Variants in DNAI3 observed in about 807,000 individuals in gnomAD.
The protein encoded by DNAI3 is WD repeat domain 63.
Under a neutral mutation model 115.5 loss-of-function variants are expected in DNAI3, and 83 were observed. That is an observed-to-expected ratio of 0.72 (90% CI 0.60 to 0.86). The LOEUF is 0.86. DNAI3 is among the 40% of genes least tolerant of loss of function. The pLI is 0.00. For missense variants in DNAI3, 1,004 were observed against 1,075.8 expected (o/e 0.93, Z 0.93); for synonymous variants, 320 against 347.0 (o/e 0.92, Z 0.86).
intron 21 of DNAI3, among the ~76,000 whole-genome samples, chr1:85,129,079 T>C (rs1262188599): frequency 6.6e-6 from 1 of 152,182 alleles, no homozygotes; most frequent in Admixed American, 6.5e-5. Flanking sequence ...ATTTTTCCCA[T>C]TGTAACCGAA....
rs1159340272 is a variant in DNAI3, at chr1:85,090,185, C to T, written c.810C>T (p.Leu270=). ...REFSEEEKET[L]KQSKPLVDFL... ...TCTCAGAAGAGGAAAAAGAGACACT[C>T]AAACAATCAAAGCCTTTGGTTGATT... The change falls in exon 8 of 23, where the codon CTC becomes CTT. Residue 270 remains leucine, a synonymous_variant. Transcript: ENST00000294664. 1.9e-6 allele frequency: 3 copies of T among 1,589,926 alleles called. No individual in the cohort carries two copies. The highest frequency in any genetic ancestry group is 1.2e-5 in the South Asian group (1 of 83,740).
intron 4 of DNAI3, 79 bp downstream of exon 4, chr1:85,081,494 G>A: frequency 7.2e-7 from 1 of 1,389,620 alleles, no homozygotes; most frequent in South Asian, 1.7e-5. Context: ...TGGAGAGGTT[G>A]TTGGTTCAAA....
chr1:85,114,015 C>CTTTTTTTTTTTTTTTTTTT (rs58178754), intron 16 of DNAI3, among the ~76,000 whole-genome samples: 1 of 117,670 alleles, frequency 8.5e-6, no homozygotes, highest in Non-Finnish European at 1.8e-5. Context: ...CAATTTGTAT[C>CTTTTTTTTTTTTTTTTTTT]TTTTTTTTTT....
In DNAI3 at chr1:85,126,520, C is replaced by T; in HGVS notation, c.2122C>T (p.Leu708Phe). Residue 708 changes from leucine (L) to phenylalanine (F), a missense_variant, in exon 20 of 23, where the codon CTC becomes TTC. Transcript: ENST00000294664. ...AAAAATTTGTTTAAAGACTGGACCGCTCCTTCAGTCATGCTGTGCACCAAA... is the reference window on the plus strand; with the variant it reads ...AAAAATTTGTTTAAAGACTGGACCGTTCCTTCAGTCATGCTGTGCACCAAA... Reference protein sequence around the residue: ...IWKEGVMTGPLLQSCCAPKRY... With the variant: ...IWKEGVMTGPFLQSCCAPKRY... 6 of 1,613,642 alleles carry T rather than the reference C, an allele frequency of 3.7e-6. No homozygotes were observed. Among genetic ancestry groups the T allele is most frequent in the Non-Finnish European group, 5.1e-6 (6 of 1,179,760 alleles).
At chr1:85,101,112 T>TA (rs1162139158) in intron 13 of DNAI3, among the ~76,000 whole-genome samples, 1 of 138,502 alleles carries the variant, frequency 7.2e-6, no homozygotes, top group Non-Finnish European at 1.5e-5. Context: ...CCCTAAAACT[T>TA]AAAGTATAAT....
chr1:85,087,541 G>C (rs556190029), intron 7 of DNAI3, among the ~76,000 whole-genome samples: 1 of 149,906 alleles, frequency 6.7e-6, no homozygotes, highest in South Asian at 2.1e-4. Context: ...ATAATCACTT[G>C]ATTTGTGTTT....
intron 8 of DNAI3, among the ~76,000 whole-genome samples, chr1:85,092,794 TACACACACACACACACACAC>T (rs58308443): frequency 6.9e-6 from 1 of 145,280 alleles, no homozygotes; most frequent in Non-Finnish European, 1.5e-5. Flanking sequence ...CAACTAAAAC[TACACACACACACACACACAC>T]ACACACACAC....
intron 18 of DNAI3, among the ~76,000 whole-genome samples, chr1:85,122,474 A>G (rs1320570587): frequency 1.3e-5 from 2 of 152,354 alleles, no homozygotes; most frequent in East Asian, 1.9e-4. Context: ...CTTGGGGTTC[A>G]CTACAATTAT....
At chr1:85,067,447 C>G (rs1489827074) in intron 1 of DNAI3, among the ~76,000 whole-genome samples, 1 of 152,156 alleles carries the variant, frequency 6.6e-6, no homozygotes, top group Non-Finnish European at 1.5e-5. Flanking sequence ...AAATTATCTA[C>G]AGAGTATTTA....
At chr1:85,118,028 T>G (rs1655884203) in intron 17 of DNAI3, among the ~76,000 whole-genome samples, 169 bp downstream of exon 17, 1 of 152,254 alleles carries the variant, frequency 6.6e-6, no homozygotes, top group South Asian at 2.1e-4. Context: ...CCTCATAGTT[T>G]CACCTTTAAA....
chr1:85,115,965 C>T (rs1210659692), intron 16 of DNAI3, among the ~76,000 whole-genome samples: 1 of 152,186 alleles, frequency 6.6e-6, no homozygotes, highest in African/African-American at 2.4e-5. Context: ...ACATTAAATG[C>T]TATTAACTCA....
At chr1:85,093,847 A>G (rs777885607) in intron 9 of DNAI3, 199 bp downstream of exon 9, 2 of 699,318 alleles carry the variant, frequency 2.9e-6, no homozygotes, top group Non-Finnish European at 2.6e-6. Context: ...CACACCTGTC[A>G]TTATCTCTGT....
At chr1:85,106,197 C>T (rs1655486698) in intron 14 of DNAI3, among the ~76,000 whole-genome samples, 1 of 152,126 alleles carries the variant, frequency 6.6e-6, no homozygotes, top group South Asian at 2.1e-4. Flanking sequence ...CACTATATCA[C>T]TTTTAAGATT....
At chr1:85,118,109 T>C (rs541841650) in intron 17 of DNAI3, among the ~76,000 whole-genome samples, 69 of 152,356 alleles carry the variant, frequency 4.5e-4, no homozygotes, top group Admixed American at 6.5e-4. Context: ...TTGTTCAATC[T>C]ACAAATATTC....
rs531437208 is a variant in DNAI3, at chr1:85,110,227, G to A, written c.1786+92G>A. 4.5e-5 allele frequency: 48 copies of A among 1,068,216 alleles called. 1 individual carries two copies. The Admixed American group carries it at 6.8e-4, about 15-fold the overall frequency. 66.2% of individuals were successfully genotyped at this position (1,068,216 alleles called of 1,614,324 possible). On this transcript the variant is annotated intron_variant, in intron 16 of 22. Coordinates refer to ENST00000294664, the MANE Select transcript of DNAI3 (RefSeq NM_145172.5). The stretch of plus-strand genomic sequence containing the variant: ...AGCACTTCGGGAGGCTGAGGCGGGC[G>A]GATCACGAGGTCAGCAGATCGAGAT...
chr1:85,107,374 A>G (rs986137746), intron 14 of DNAI3, among the ~76,000 whole-genome samples: 8 of 152,224 alleles, frequency 5.3e-5, no homozygotes, highest in African/African-American at 1.9e-4. Context: ...AAAATGTAGT[A>G]TACCCACACA....
intron 3 of DNAI3, 149 bp from the exon 4 acceptor site, chr1:85,081,085 G>T: frequency 3.4e-6 from 2 of 586,794 alleles, no homozygotes; most frequent in South Asian, 3.9e-5. Flanking sequence ...AAAAATAATG[G>T]ATATATTTAC....
chr1:85,092,360 T>C (rs1655004052), intron 8 of DNAI3, among the ~76,000 whole-genome samples: 1 of 152,216 alleles, frequency 6.6e-6, no homozygotes, highest in East Asian at 1.9e-4. Flanking sequence ...GTATCTGTTT[T>C]TACTGTTTAT....
At chr1:85,064,489 G>A (rs997045752) in intron 1 of DNAI3, among the ~76,000 whole-genome samples, 3 of 152,140 alleles carry the variant, frequency 2.0e-5, no homozygotes, top group Non-Finnish European at 2.9e-5. Flanking sequence ...TTTAATCAGG[G>A]TCTTAGTGAA....
Sources: gnomAD v4.1 joint callset for allele counts (sites outside exome capture counted in the v4.1 genomes callset) on GRCh38, gnomAD v4.1.1 for gene constraint, MANE v1.5 for transcripts, NCBI Gene and HGNC (gene_info 2026-07-23, HGNC 2026-07-21) for gene names.